MYH7B: variants seen among roughly 807,000 people sequenced by gnomAD.
MYH7B encodes myosin heavy chain 7B.
MYH7B carries 205 observed loss-of-function variants against 234.5 expected under a neutral mutation model. The ratio of observed to expected loss-of-function variants is 0.87; its 90% CI spans 0.78 to 0.98. MYH7B has a LOEUF of 0.98. Ranked by LOEUF, MYH7B falls within the 50% of genes least tolerant of loss-of-function variation. MYH7B has a pLI of 0.00. For missense variants in MYH7B, 2,652 were observed against 2,633.4 expected (o/e 1.01, Z -0.15); for synonymous variants, 1,193 against 1,105.0 (o/e 1.08, Z -1.58).
intron 2 of MYH7B, among the ~76,000 whole-genome samples, chr20:34,963,137 G>A (rs896888547): frequency 1.3e-5 from 2 of 152,214 alleles, no homozygotes; most frequent in Admixed American, 6.5e-5. Context: ...TTGTTATACT[G>A]TATTGTTTAG....
At chr20:34,980,974 C>G in intron 8 of MYH7B, 59 bp from the exon 9 acceptor site, 1 of 1,610,416 alleles carries the variant, frequency 6.2e-7, no homozygotes, top group Non-Finnish European at 8.5e-7. Flanking sequence ...CCAGGGTGTT[C>G]CACCTGTGGC....
chr20:34,961,484 G>A (rs1183112838), intron 2 of MYH7B, among the ~76,000 whole-genome samples: 1 of 152,150 alleles, frequency 6.6e-6, no homozygotes, highest in Non-Finnish European at 1.5e-5. Context: ...CCTATGCAAT[G>A]TTTATTGAGA....
chr20:34,997,411 AGCGGGAGGCGGAGCTGGGGAGGCTGCG>A (rs1203541952), exon 32 of MYH7B: 1 of 1,476,844 alleles, frequency 6.8e-7, no homozygotes, highest in Admixed American at 2.8e-5. Flanking sequence ...GGCTGCCGCA[AGCGGGAGGCGGAGCTGGGGAGGCTGCG>A]GCGGGAGCTG....
chr20:34,998,851 G>A (rs2147237778), exon 35 of MYH7B: 2 of 1,613,282 alleles, frequency 1.2e-6, no homozygotes, highest in Non-Finnish European at 1.7e-6. Context: ...TGCCGAGGTG[G>A]CCCAGTGGAG....
intron 27 of MYH7B, 42 bp from the exon 28 acceptor site, chr20:34,995,294 C>G: frequency 6.3e-7 from 1 of 1,591,566 alleles, no homozygotes; most frequent in South Asian, 1.1e-5. Context: ...GCTGGTTTAC[C>G]TGGCCCTCCC....
rs562118465 is a variant in MYH7B at position 34,989,723 on chromosome 20, G to C, written c.1588-17G>C. ...GACTGGCTTGATGGTGGCTTTTCAA[G>C]CTCGTTCTGTTCCCAGCCACTGGGC... On this transcript the variant is annotated splice_polypyrimidine_tract_variant and intron_variant, in intron 19 of 44. Transcript: ENST00000262873. 1 of 1,610,772 alleles carries C rather than the reference G, an allele frequency of 6.2e-7. No homozygotes were observed. The highest frequency in any genetic ancestry group is 1.1e-5 in the South Asian group (1 of 90,710).
exon 38 of MYH7B, chr20:34,999,856 A>T: frequency 2.5e-6 from 4 of 1,613,494 alleles, no homozygotes; most frequent in Non-Finnish European, 3.4e-6. Flanking sequence ...AGGTCAAAGC[A>T]GAAGTGGACC....
intron 1 of MYH7B, among the ~76,000 whole-genome samples, chr20:34,957,068 C>T (rs1375921750): frequency 6.6e-6 from 1 of 152,124 alleles, no homozygotes; most frequent in Admixed American, 6.6e-5. Flanking sequence ...ACAAAACAAA[C>T]GAGCAGCGAA....
chr20:34,961,032 C>G (rs1447812521), intron 2 of MYH7B, among the ~76,000 whole-genome samples: 1 of 152,054 alleles, frequency 6.6e-6, no homozygotes, highest in Non-Finnish European at 1.5e-5. Context: ...GGTGTGTGGG[C>G]TGAAAAAGGG....
chr20:34,994,077 T>A (rs568452056), intron 26 of MYH7B, 69 bp from the exon 27 acceptor site: 1 of 1,566,656 alleles, frequency 6.4e-7, no homozygotes, highest in African/African-American at 1.4e-5. Context: ...ACAAGTGAAC[T>A]GTGCTGAGTG....
rs116826235 is a variant in MYH7B, at chr20:34,997,679, T to C, written c.3747+39T>C. 1,985 of 1,608,194 alleles carry C rather than the reference T, an allele frequency of 1.2e-3. 27 individuals are homozygous for C. In the African/African-American group the frequency reaches 0.024, roughly 20 times the overall value. Reference sequence around the variant, plus strand: ...CCTCACCCCATACCCACCCTGACTTTAAACCAATCCCGATCCCAGCAGCCA... The same window carrying C: ...CCTCACCCCATACCCACCCTGACTTCAAACCAATCCCGATCCCAGCAGCCA... On this transcript the variant is annotated intron_variant, in intron 32 of 44. Transcript: ENST00000262873.
At chr20:34,978,284 G>T (rs1385274928) in intron 5 of MYH7B, among the ~76,000 whole-genome samples, 188 bp downstream of exon 5, 2 of 152,148 alleles carry the variant, frequency 1.3e-5, no homozygotes, top group African/African-American at 4.8e-5. Context: ...GTATATCACT[G>T]TGTGTCTGTG....
chr20:34,955,888 G>C (rs2081626770), exon 1 of MYH7B: 1 of 152,396 alleles, frequency 6.6e-6, no homozygotes, highest in Non-Finnish European at 1.5e-5. Flanking sequence ...CTGAGTCGAG[G>C]CCAGGAAGGG....
exon 8 of MYH7B, chr20:34,980,653 G>T (rs2081927751): frequency 6.2e-7 from 1 of 1,614,076 alleles, no homozygotes; most frequent in South Asian, 1.1e-5. Context: ...CGTAGTGGCT[G>T]CTTACAAGGG....
chr20:34,990,771 G>A, exon 23 of MYH7B: 1 of 1,614,168 alleles, frequency 6.2e-7, no homozygotes, highest in Non-Finnish European at 8.5e-7. Flanking sequence ...CAACCTGCGG[G>A]CCACACAGCC....
chr20:34,988,326 G>A, intron 19 of MYH7B, 64 bp downstream of exon 19: 1 of 1,540,866 alleles, frequency 6.5e-7, no homozygotes, highest in Non-Finnish European at 8.8e-7. Flanking sequence ...AGCAGGGATG[G>A]ATGACCATGG....
At chr20:34,983,293 CTTTTCTTTTT>C (rs1266800980) in intron 10 of MYH7B, among the ~76,000 whole-genome samples, 1,189 of 100,314 alleles carry the variant, frequency 0.012, 4 homozygotes, top group South Asian at 0.021. Context: ...CTTTTCTTTT[CTTTTCTTTTT>C]TTTTTTTTTT....
exon 14 of MYH7B, chr20:34,986,179 G>C (rs1230684191): frequency 1.9e-6 from 3 of 1,595,880 alleles, no homozygotes; most frequent in East Asian, 2.3e-5. Flanking sequence ...TCCTCTCAGG[G>C]AGGAAGCCAG....
chr20:34,957,829 T>G (rs1013668883), intron 1 of MYH7B, among the ~76,000 whole-genome samples: 1 of 152,168 alleles, frequency 6.6e-6, no homozygotes, highest in Non-Finnish European at 1.5e-5. Flanking sequence ...ATTATCTGAC[T>G]ACAGGACAGG....
Sources: gnomAD v4.1 joint callset for allele counts (sites outside exome capture counted in the v4.1 genomes callset) on GRCh38, gnomAD v4.1.1 for gene constraint, MANE v1.5 for transcripts, NCBI Gene and HGNC (gene_info 2026-07-23, HGNC 2026-07-21) for gene names.